The following CHCHD6 variants were observed in gnomAD, a reference collection of about 807,000 sequenced individuals.
The protein encoded by CHCHD6 is coiled-coil-helix-coiled-coil-helix domain containing 6.
A neutral mutation model predicts 32.3 loss-of-function variants in CHCHD6; 28 were observed. The observed-to-expected ratio is 0.87, with a 90% confidence interval of 0.64 to 1.19. The LOEUF is 1.19. Ranked by LOEUF, CHCHD6 falls within the 50% of genes most tolerant of loss-of-function variation. The pLI, the probability that CHCHD6 is intolerant of heterozygous loss-of-function variation, is 0.00. For synonymous variants in CHCHD6, 122 were observed against 117.5 expected (o/e 1.04, Z -0.25); for missense variants, 333 against 307.0 (o/e 1.08, Z -0.63).
intron 5 of CHCHD6, among the ~76,000 whole-genome samples, chr3:126,906,514 C>A (rs1303087940): frequency 6.6e-6 from 1 of 152,226 alleles, no homozygotes. Flanking sequence ...CAGCGCTCAT[C>A]TTGCTGCTTT....
chr3:126,757,133 C>T (rs1936981967), intron 4 of CHCHD6, among the ~76,000 whole-genome samples: 1 of 152,196 alleles, frequency 6.6e-6, no homozygotes, highest in African/African-American at 2.4e-5. Flanking sequence ...GTCTAGAATG[C>T]TCCCAAATTC....
intron 4 of CHCHD6, among the ~76,000 whole-genome samples, chr3:126,804,536 A>T (rs1295540363): frequency 6.6e-6 from 1 of 152,238 alleles, no homozygotes; most frequent in African/African-American, 2.4e-5. Flanking sequence ...CTCTGAATAG[A>T]CCAATAACAG....
intron 5 of CHCHD6, among the ~76,000 whole-genome samples, chr3:126,912,395 TTGAATGTGAGGGCTCTA>T (rs1280289782): frequency 1.3e-5 from 2 of 152,068 alleles, no homozygotes; most frequent in Admixed American, 6.5e-5. Flanking sequence ...AATCTCTCGT[TTGAATGTGAGGGCTCTA>T]GAGAGAACAC....
At chr3:126,876,832 T>A (rs1321274878) in intron 5 of CHCHD6, among the ~76,000 whole-genome samples, 2 of 152,138 alleles carry the variant, frequency 1.3e-5, no homozygotes, top group Admixed American at 1.3e-4. Context: ...AGAAAAAGAG[T>A]TATGAGGAAA....
intron 4 of CHCHD6, among the ~76,000 whole-genome samples, chr3:126,812,159 T>C (rs1939682645): frequency 1.3e-5 from 2 of 151,876 alleles, no homozygotes; most frequent in South Asian, 4.2e-4. Flanking sequence ...TTTCTCAAAT[T>C]ATCAATCTTC....
At chr3:126,863,919 C>CATT (rs1942106735) in intron 5 of CHCHD6, among the ~76,000 whole-genome samples, 1 of 145,470 alleles carries the variant, frequency 6.9e-6, no homozygotes, top group Admixed American at 6.8e-5. Context: ...CCTCCTCCAC[C>CATT]ATCGACACCT....
At chr3:126,830,192 G>T (rs1021088013) in intron 4 of CHCHD6, among the ~76,000 whole-genome samples, 5 of 152,200 alleles carry the variant, frequency 3.3e-5, no homozygotes, top group African/African-American at 9.7e-5. Flanking sequence ...CTAAGAGGAG[G>T]GCTGGTGTGG....
At chr3:126,887,481 G>C (rs935635289) in intron 5 of CHCHD6, among the ~76,000 whole-genome samples, 12 of 152,122 alleles carry the variant, frequency 7.9e-5, no homozygotes, top group African/African-American at 2.9e-4. Flanking sequence ...GCTCGTGTGG[G>C]AAGATCTGGC....
intron 5 of CHCHD6, among the ~76,000 whole-genome samples, 167 bp from the exon 6 acceptor site, chr3:126,914,513 G>A (rs566156106): frequency 4.8e-4 from 73 of 152,356 alleles, no homozygotes; most frequent in Admixed American, 1.5e-3. Context: ...TTCTGTAGCA[G>A]CAGCCATGCG....
At chr3:126,934,771 G>A (rs555964034) in intron 6 of CHCHD6, among the ~76,000 whole-genome samples, 23 of 151,930 alleles carry the variant, frequency 1.5e-4, no homozygotes, top group African/African-American at 5.5e-4. Context: ...GGATGGTCTC[G>A]ATCTCCTGAC....
At chr3:126,775,155 A>G (rs1252459206) in intron 4 of CHCHD6, among the ~76,000 whole-genome samples, 4 of 152,196 alleles carry the variant, frequency 2.6e-5, no homozygotes, top group Admixed American at 2.6e-4. Context: ...CTAAATTTCA[A>G]AGATTTGGTT....
intron 4 of CHCHD6, chr3:126,767,027 G>A: frequency 1.1e-6 from 1 of 889,486 alleles, no homozygotes; most frequent in Non-Finnish European, 1.9e-6. Flanking sequence ...GGCAGGATCT[G>A]CCTCAATGAA....
chr3:126,824,016 A>G (rs931377232), intron 4 of CHCHD6, among the ~76,000 whole-genome samples: 1 of 152,190 alleles, frequency 6.6e-6, no homozygotes, highest in Non-Finnish European at 1.5e-5. Context: ...TTGAGGCTAC[A>G]GTGAGCTATA....
chr3:126,792,657 A>G (rs1938610008), intron 4 of CHCHD6, among the ~76,000 whole-genome samples: 1 of 152,076 alleles, frequency 6.6e-6, no homozygotes, highest in East Asian at 1.9e-4. Context: ...TTTAGTGTTC[A>G]TTTTATGAGC....
intron 5 of CHCHD6, among the ~76,000 whole-genome samples, chr3:126,891,091 T>G (rs2107578023): frequency 6.6e-6 from 1 of 152,222 alleles, no homozygotes; most frequent in South Asian, 2.1e-4. Flanking sequence ...AAACAAGACA[T>G]TGTTTCTTCC....
At chr3:126,704,656 G>T (rs182767454) in intron 1 of CHCHD6, among the ~76,000 whole-genome samples, 2 of 152,276 alleles carry the variant, frequency 1.3e-5, no homozygotes, top group East Asian at 3.9e-4. Context: ...CACGAGGGAC[G>T]CCCTGGCCAC....
chr3:126,785,416 C>T (rs1009805771), intron 4 of CHCHD6, among the ~76,000 whole-genome samples: 1 of 152,184 alleles, frequency 6.6e-6, no homozygotes, highest in Non-Finnish European at 1.5e-5. Flanking sequence ...AACACATGAA[C>T]ATTTTATCTT....
intron 6 of CHCHD6, among the ~76,000 whole-genome samples, chr3:126,915,999 C>T (rs2078164494): frequency 6.8e-6 from 1 of 147,476 alleles, no homozygotes; most frequent in African/African-American, 2.5e-5. Flanking sequence ...GTTGCTCAGG[C>T]TTAGTGTAGG....
intron 5 of CHCHD6, among the ~76,000 whole-genome samples, chr3:126,868,009 A>G (rs1474081163): frequency 1.3e-5 from 2 of 152,140 alleles, no homozygotes; most frequent in African/African-American, 2.4e-5. Flanking sequence ...TCCAGGCCCT[A>G]TTCCAGTCAC....
Sources: allele counts gnomAD v4.1 joint callset (sites outside exome capture counted in the v4.1 genomes callset), GRCh38; gene constraint gnomAD v4.1.1; transcripts MANE v1.5; gene names NCBI Gene and HGNC (gene_info 2026-07-23, HGNC 2026-07-21).